ADGRV1: variants seen among roughly 807,000 people sequenced by gnomAD.
The protein encoded by ADGRV1 is adhesion G protein-coupled receptor V1.
Under a neutral mutation model 596.2 loss-of-function variants are expected in ADGRV1, and 359 were observed. That is an observed-to-expected ratio of 0.60 (90% confidence interval 0.55 to 0.66). ADGRV1 has a LOEUF of 0.66. Among genes scored for constraint, ADGRV1 ranks in the 30% least tolerant of loss-of-function variants. The pLI is 0.00. For missense variants in ADGRV1, 7,274 were observed against 7,575.6 expected, an observed-to-expected ratio of 0.96 and a Z score of 1.48; for synonymous variants, 2,681 against 2,679.2, an observed-to-expected ratio of 1.00 and a Z score of -0.02.
intron 76 of ADGRV1, among the ~76,000 whole-genome samples, chr5:90,826,276 T>C (rs1285486168): frequency 6.6e-6 from 1 of 152,172 alleles, no homozygotes; most frequent in Non-Finnish European, 1.5e-5. Context: ...GAGAAATTAT[T>C]TGGAGGTCCT....
chr5:90,924,363 G>GC (rs1443929791), intron 83 of ADGRV1, among the ~76,000 whole-genome samples: 1 of 151,460 alleles, frequency 6.6e-6, no homozygotes, highest in Non-Finnish European at 1.5e-5. Context: ...GTTTTGATTT[G>GC]CATTTCTCTG....
intron 86 of ADGRV1, among the ~76,000 whole-genome samples, chr5:91,073,640 T>C (rs899491189): frequency 6.6e-6 from 1 of 152,222 alleles, no homozygotes; most frequent in Non-Finnish European, 1.5e-5. Flanking sequence ...AGCATAGCAG[T>C]ATCTAGCCAT....
At chr5:90,853,208 C>G in intron 79 of ADGRV1, 76 bp from the exon 80 acceptor site, 1 of 1,360,016 alleles carries the variant, frequency 7.4e-7, no homozygotes, top group Non-Finnish European at 1.0e-6. Flanking sequence ...AAGTGTAATG[C>G]ACTTTAACAA....
chr5:91,108,673 C>T (rs1792104699), intron 87 of ADGRV1, among the ~76,000 whole-genome samples: 1 of 152,146 alleles, frequency 6.6e-6, no homozygotes, highest in African/African-American at 2.4e-5. Context: ...TAGCTCATTG[C>T]AGCCTTGAAC....
Position 90,644,956 on chromosome 5 carries a change from A to G in ADGRV1, c.2898+87A>G, listed in dbSNP as rs906378106. 6.3e-6 allele frequency: 6 copies of G among 954,452 alleles called. No homozygotes were observed. In the African/African-American group the frequency reaches 6.8e-5, roughly 11 times the overall value. 59.1% of individuals were successfully genotyped at this position (954,452 alleles called of 1,614,324 possible). On this transcript the variant is annotated intron_variant, in intron 15 of 89. Transcript: ENST00000405460. The stretch of plus-strand genomic sequence containing the variant: ...TAAATAATTAAACATCTGGTAATAT[A>G]TTTTGTGATAAAAGTTTGTAATAAA...
At chr5:90,685,375 G>T (rs906883192) in intron 28 of ADGRV1, among the ~76,000 whole-genome samples, 1 of 152,060 alleles carries the variant, frequency 6.6e-6, no homozygotes. Flanking sequence ...CTGAGCTCAG[G>T]AGTTCAAGAC....
intron 83 of ADGRV1, among the ~76,000 whole-genome samples, chr5:90,928,563 T>G (rs1254362418): frequency 6.6e-6 from 1 of 150,674 alleles, no homozygotes; most frequent in Non-Finnish European, 1.5e-5. Context: ...TCAACTTCTT[T>G]GCCTTTGGTT....
At chr5:90,827,706 A>G (rs374579687) in intron 76 of ADGRV1, among the ~76,000 whole-genome samples, 4 of 152,204 alleles carry the variant, frequency 2.6e-5, no homozygotes, top group African/African-American at 7.2e-5. Context: ...AATTATTTCC[A>G]TATTTCAATA....
intron 23 of ADGRV1, among the ~76,000 whole-genome samples, chr5:90,674,796 A>G (rs1477050860): frequency 6.6e-6 from 1 of 152,052 alleles, no homozygotes; most frequent in African/African-American, 2.4e-5. Context: ...GAGGCTTTTC[A>G]CCTTTAGTTT....
At position 90,643,042 on chromosome 5, in the gene ADGRV1, G is replaced by T. The variant is rs764676359; in HGVS notation, c.2553+1G>T. The T allele has an allele frequency of 6.2e-7, 1 of 1,609,504 alleles. No homozygotes were observed. The highest frequency in any genetic ancestry group is 1.1e-5 in the South Asian group (1 of 90,840). ...AGCAAGATTGGATGGGATACCAGAG[G>T]TATGGGATTTTATATTTTCTTTGTG... On this transcript the variant is annotated splice_donor_variant, in intron 13 of 89. Coordinates refer to ENST00000405460, the MANE Select transcript of ADGRV1 (RefSeq NM_032119.4). LOFTEE classifies it high-confidence loss of function.
intron 58 of ADGRV1, among the ~76,000 whole-genome samples, chr5:90,761,528 A>T (rs1756513442): frequency 6.6e-6 from 1 of 152,212 alleles, no homozygotes; most frequent in South Asian, 2.1e-4. Flanking sequence ...TGGGCACTGG[A>T]CAGTGTGTTT....
chr5:90,790,791 A>G, intron 69 of ADGRV1, 82 bp from the exon 70 acceptor site: 1 of 879,788 alleles, frequency 1.1e-6, no homozygotes, highest in South Asian at 1.8e-5. Flanking sequence ...TTTGTATATT[A>G]TAGAGAAAAA....
intron 83 of ADGRV1, among the ~76,000 whole-genome samples, chr5:90,925,147 G>GT (rs1774299411): frequency 6.6e-6 from 1 of 152,120 alleles, no homozygotes; most frequent in Non-Finnish European, 1.5e-5. Flanking sequence ...CTTTAAAGTA[G>GT]TTTTTTCCAA....
chr5:90,653,928 C>G lies in ADGRV1; in HGVS notation c.4354C>G (p.Leu1452Val). ...TGCAATGCCCAGGGGAATCAAGAGT[C>G]TGAAAGGAGAAGCCATTACTGACGG... ...GNAMPRGIKS[L>V]KGEAITDGPG... The change falls in exon 20 of 90, where the codon CTG becomes GTG. Residue 1452 changes from leucine to valine, a missense_variant. Around this residue, in one of 5 missense-constraint regions of ADGRV1, gnomAD observed 38 missense variants for 66.7 expected, o/e 0.57. Transcript: ENST00000405460. The G allele has an allele frequency of 6.4e-7, 1 of 1,560,338 alleles. No homozygotes were observed. Among genetic ancestry groups the G allele is most frequent in the South Asian group, 1.2e-5 (1 of 84,920 alleles).
chr5:90,704,441 A>G lies in ADGRV1; in HGVS notation c.8339A>G (p.Glu2780Gly). The G allele has an allele frequency of 6.3e-7, 1 of 1,581,988 alleles. No homozygotes were observed. The highest frequency in any genetic ancestry group is 1.2e-5 in the South Asian group (1 of 85,636). ...FVHLLDDNIP[E>G]EKEVYQVILY... ...CATTTGTTGGATGACAACATTCCTG[A>G]GGAGAAAGAAGTATACCAAGTCATT... Residue 2780 changes from glutamate to glycine, a missense_variant, in exon 36 of 90, where the codon GAG becomes GGG. This residue lies in a region of ADGRV1 where 3,643 missense variants were observed against 3,809.2 expected (regional missense o/e 0.96). Transcript: ENST00000405460.
At chr5:91,071,186 C>T (rs1201813596) in intron 85 of ADGRV1, among the ~76,000 whole-genome samples, 1 of 152,114 alleles carries the variant, frequency 6.6e-6, no homozygotes, top group Non-Finnish European at 1.5e-5. Flanking sequence ...AGCTTGGCCT[C>T]CTCCTATGCA....
chr5:91,137,918 T>C (rs1794774889), intron 87 of ADGRV1, among the ~76,000 whole-genome samples: 1 of 152,224 alleles, frequency 6.6e-6, no homozygotes, highest in Non-Finnish European at 1.5e-5. Flanking sequence ...CTGGTTAGAA[T>C]CTGGATTTAC....
chr5:90,671,827 C>G (rs1243110660), intron 21 of ADGRV1, among the ~76,000 whole-genome samples: 3 of 152,104 alleles, frequency 2.0e-5, no homozygotes, highest in African/African-American at 7.2e-5. Context: ...GATATTCCAG[C>G]TGCTTCCACC....
At chr5:90,731,664 CTG>C (rs1752563729) in intron 50 of ADGRV1, among the ~76,000 whole-genome samples, 1 of 152,144 alleles carries the variant, frequency 6.6e-6, no homozygotes, top group Non-Finnish European at 1.5e-5. Context: ...TGTTGTGGTG[CTG>C]AGATTGGAGA....
Sources: allele counts gnomAD v4.1 joint callset (sites outside exome capture counted in the v4.1 genomes callset), GRCh38; gene constraint gnomAD v4.1.1; regional missense constraint gnomAD v4.1.1; transcripts MANE v1.5; gene names NCBI Gene and HGNC (gene_info 2026-07-23, HGNC 2026-07-21).